The following RXFP1 variants were observed in gnomAD, a reference collection of about 807,000 sequenced individuals.
RXFP1 encodes relaxin family peptide receptor 1.
RXFP1 carries 73 observed loss-of-function variants against 89.8 expected under a neutral mutation model. That is an observed-to-expected ratio of 0.81 (90% confidence interval 0.67 to 0.99). The LOEUF is 0.99. Among genes scored for constraint, RXFP1 ranks in the 50% least tolerant of loss-of-function variants. The pLI is 0.00. For synonymous variants in RXFP1, 277 were observed against 305.5 expected (o/e 0.91, Z 0.97); for missense variants, 793 against 895.5 (o/e 0.89, Z 1.46).
At chr4:158,603,216 T>C (rs1762010621) in intron 4 of RXFP1, among the ~76,000 whole-genome samples, 1 of 152,184 alleles carries the variant, frequency 6.6e-6, no homozygotes, top group South Asian at 2.1e-4. Context: ...GTACTGGAAT[T>C]ATAGGTGTGA....
In RXFP1 at chr4:158,626,993, GTC is replaced by G. The variant is rs377571911; in HGVS notation, c.827+104_827+105del. 4.9e-4 allele frequency: 255 copies of G among 518,286 alleles called. 1 individual carries two copies. In the South Asian group the frequency reaches 8.8e-3, roughly 18 times the overall value. The allele number at this position is 518,286 out of a possible 1,614,324, so 32.1% of individuals were successfully genotyped here. On this transcript the variant is annotated intron_variant, in intron 10 of 17. Coordinates refer to ENST00000307765, the MANE Select transcript of RXFP1 (RefSeq NM_021634.4). ...AAAAAAATCCCAAAGAACATCAAGA[GTC>G]TGTTGTTGGATCTCAGTTTGAGAAA...
chr4:158,554,311 T>C (rs944119813), intron 1 of RXFP1, among the ~76,000 whole-genome samples: 5 of 152,290 alleles, frequency 3.3e-5, no homozygotes, highest in African/African-American at 1.2e-4. Flanking sequence ...TACTCACTCT[T>C]TAAAAGCAAG....
chr4:158,546,131 A>C (rs908841995), intron 1 of RXFP1, among the ~76,000 whole-genome samples: 1 of 152,002 alleles, frequency 6.6e-6, no homozygotes, highest in African/African-American at 2.4e-5. Flanking sequence ...TTCATTGAGC[A>C]GTGGTTTGTA....
chr4:158,650,529 GA>G (rs1772492529), intron 17 of RXFP1, among the ~76,000 whole-genome samples: 2 of 151,682 alleles, frequency 1.3e-5, no homozygotes, highest in African/African-American at 2.4e-5. Context: ...AGCACTTTGG[GA>G]GGCTGAGGTG....
intron 9 of RXFP1, among the ~76,000 whole-genome samples, chr4:158,623,173 G>T (rs1237256026): frequency 6.6e-6 from 1 of 151,876 alleles, no homozygotes; most frequent in Non-Finnish European, 1.5e-5. Flanking sequence ...CAAAACAAAA[G>T]AAAATGTAGA....
chr4:158,592,183 G>A (rs79305458), intron 2 of RXFP1, among the ~76,000 whole-genome samples: 4 of 152,018 alleles, frequency 2.6e-5, no homozygotes, highest in Admixed American at 6.5e-5. Context: ...ATATATATAA[G>A]CACTCAGAGA....
At chr4:158,550,623 A>G (rs1477375156) in intron 1 of RXFP1, among the ~76,000 whole-genome samples, 1 of 152,230 alleles carries the variant, frequency 6.6e-6, no homozygotes, top group Non-Finnish European at 1.5e-5. Context: ...AAAGGGTAAG[A>G]TCTAAATAGG....
chr4:158,596,690 G>C (rs758938088), intron 3 of RXFP1, among the ~76,000 whole-genome samples: 2 of 152,196 alleles, frequency 1.3e-5, no homozygotes, highest in Non-Finnish European at 1.5e-5. Context: ...CAAAAGTTCA[G>C]TGGTGAGTGG....
At chr4:158,580,135 A>T (rs145092201) in intron 2 of RXFP1, among the ~76,000 whole-genome samples, 124 of 152,236 alleles carry the variant, frequency 8.1e-4, no homozygotes, top group Non-Finnish European at 1.4e-3. Flanking sequence ...GCAGCTTAAG[A>T]TGTGCTGGTT....
intron 1 of RXFP1, among the ~76,000 whole-genome samples, chr4:158,549,528 T>A (rs1749519022): frequency 6.6e-6 from 1 of 152,242 alleles, no homozygotes; most frequent in Non-Finnish European, 1.5e-5. Context: ...AGAGGCGCTC[T>A]GCTTTTTAGA....
At chr4:158,541,599 G>A (rs981820335) in intron 1 of RXFP1, among the ~76,000 whole-genome samples, 1 of 151,996 alleles carries the variant, frequency 6.6e-6, no homozygotes, top group Non-Finnish European at 1.5e-5. Context: ...TACAAAAGTA[G>A]TATAATCATA....
At chr4:158,612,807 C>T (rs892652471) in intron 8 of RXFP1, among the ~76,000 whole-genome samples, 2 of 152,036 alleles carry the variant, frequency 1.3e-5, no homozygotes, top group East Asian at 1.9e-4. Context: ...GACGGGGTTT[C>T]ACCATGTTGG....
intron 1 of RXFP1, among the ~76,000 whole-genome samples, chr4:158,562,810 C>T (rs1056818095): frequency 4.6e-5 from 7 of 151,990 alleles, no homozygotes; most frequent in African/African-American, 1.7e-4. Context: ...TGCCCTTATG[C>T]TCAAGGACTG....
At chr4:158,590,358 C>G (rs1759192296) in intron 2 of RXFP1, among the ~76,000 whole-genome samples, 1 of 152,106 alleles carries the variant, frequency 6.6e-6, no homozygotes, top group African/African-American at 2.4e-5. Context: ...GGGGGTTTCT[C>G]CACCTTGGCC....
chr4:158,645,145 A>G lies in RXFP1; in HGVS notation c.1345+7A>G. 1 of 1,593,778 alleles carries G rather than the reference A, an allele frequency of 6.3e-7. No individual in the cohort carries two copies. The highest frequency in any genetic ancestry group is 8.6e-7 in the Non-Finnish European group (1 of 1,161,656). Reference sequence around the variant, plus strand: ...TCAATCATTTCTCTCTGCTGTGAGTATTTCCTGGTTAAAGGAGAATTGTAG... The same window carrying G: ...TCAATCATTTCTCTCTGCTGTGAGTGTTTCCTGGTTAAAGGAGAATTGTAG... On this transcript the variant is annotated splice_region_variant and intron_variant, in intron 15 of 17. Coordinates refer to ENST00000307765, the MANE Select transcript of RXFP1 (RefSeq NM_021634.4).
intron 14 of RXFP1, among the ~76,000 whole-genome samples, chr4:158,642,538 G>A (rs1027632986): frequency 6.6e-6 from 1 of 152,108 alleles, no homozygotes. Context: ...AGAACATGAG[G>A]TGTTTAACAT....
At chr4:158,568,752 G>A (rs182832037) in intron 1 of RXFP1, among the ~76,000 whole-genome samples, 74 of 152,254 alleles carry the variant, frequency 4.9e-4, no homozygotes, top group South Asian at 2.3e-3. Context: ...AAATGACTAC[G>A]TACAAAGCCT....
intron 9 of RXFP1, among the ~76,000 whole-genome samples, chr4:158,622,289 C>T (rs1447923593): frequency 2.0e-5 from 3 of 151,566 alleles, no homozygotes; most frequent in Non-Finnish European, 2.9e-5. Context: ...CCAGCCTGGG[C>T]GACAGAGCAA....
chr4:158,579,814 T>C (rs11940491), intron 2 of RXFP1, among the ~76,000 whole-genome samples: 39,792 of 152,166 alleles, frequency 0.26, 8,577 homozygotes, highest in African/African-American at 0.59. Context: ...CTCCTAAAGA[T>C]GATTTTGCTT....
Sources: allele counts gnomAD v4.1 joint callset (sites outside exome capture counted in the v4.1 genomes callset), GRCh38; gene constraint gnomAD v4.1.1; transcripts MANE v1.5; gene names NCBI Gene and HGNC (gene_info 2026-07-23, HGNC 2026-07-21).